SEM1: variants seen among roughly 807,000 people sequenced by gnomAD.
The protein encoded by SEM1 is 26S proteasome complex subunit SEM1.
A neutral mutation model predicts 12.7 loss-of-function variants in SEM1; 3 were observed. The ratio of observed to expected loss-of-function variants is 0.24; its 90% confidence interval spans 0.11 to 0.61. The LOEUF (loss-of-function observed/expected upper bound fraction) is 0.61. Among genes scored for constraint, SEM1 ranks in the 20% least tolerant of loss-of-function variants. The pLI is 0.88. For synonymous variants in SEM1, 30 were observed against 27.8 expected, an observed-to-expected ratio of 1.08 and a Z score of -0.25; for missense variants, 59 against 81.3, an observed-to-expected ratio of 0.73 and a Z score of 1.06.
chr7:96,520,662 A>G (rs146414789), intron 2 of SEM1, among the ~76,000 whole-genome samples: 4 of 152,200 alleles, frequency 2.6e-5, no homozygotes, highest in Non-Finnish European at 5.9e-5. Flanking sequence ...GCACCGTGGT[A>G]TAGGTTAAGA....
chr7:96,577,607 G>C (rs1293406822), intron 2 of SEM1, among the ~76,000 whole-genome samples: 2 of 151,832 alleles, frequency 1.3e-5, no homozygotes, highest in Non-Finnish European at 2.9e-5. Context: ...ATGGATTTGG[G>C]GATGGATTTC....
intron 2 of SEM1, among the ~76,000 whole-genome samples, chr7:96,485,043 G>A (rs1192784526): frequency 1.3e-5 from 2 of 152,148 alleles, no homozygotes; most frequent in African/African-American, 4.8e-5. Flanking sequence ...TCAGGCCTGT[G>A]CACTATGCCA....
downstream of SEM1, chr7:96,688,398 AT>A (rs1206166637): frequency 1.0e-4 from 16 of 152,432 alleles, no homozygotes; most frequent in African/African-American, 3.8e-4. Flanking sequence ...AACTAAGTAA[AT>A]TACAGCAATT....
At chr7:96,614,852 A>T (rs1008028177) in intron 2 of SEM1, among the ~76,000 whole-genome samples, 1 of 151,924 alleles carries the variant, frequency 6.6e-6, no homozygotes, top group Non-Finnish European at 1.5e-5. Flanking sequence ...GTGCACACAC[A>T]CATACACACA....
At chr7:96,537,316 A>G (rs1201341655) in intron 2 of SEM1, among the ~76,000 whole-genome samples, 1 of 151,696 alleles carries the variant, frequency 6.6e-6, no homozygotes, top group Non-Finnish European at 1.5e-5. Flanking sequence ...TCAATTACAA[A>G]TAAGAGAAGT....
chr7:96,708,467 G>GCT, intron 1 of SEM1, among the ~76,000 whole-genome samples: 1 of 152,220 alleles, frequency 6.6e-6, no homozygotes, highest in African/African-American at 2.4e-5. Flanking sequence ...GACAATTTTA[G>GCT]TGAAGTAGTA....
intron 1 of SEM1, among the ~76,000 whole-genome samples, chr7:96,495,094 G>A (rs1291846654): frequency 1.4e-5 from 2 of 146,056 alleles, no homozygotes; most frequent in Middle Eastern, 3.7e-3. Context: ...GAGGGTGGGA[G>A]AATAGCATTG....
chr7:96,595,652 G>A (rs977206475), intron 2 of SEM1, among the ~76,000 whole-genome samples: 10 of 151,804 alleles, frequency 6.6e-5, no homozygotes, highest in East Asian at 1.9e-4. Context: ...TTTGTTTTTC[G>A]ATTTTTAGAT....
At chr7:96,490,341 G>A (rs898585171) in intron 1 of SEM1, among the ~76,000 whole-genome samples, 1 of 152,130 alleles carries the variant, frequency 6.6e-6, no homozygotes, top group African/African-American at 2.4e-5. Flanking sequence ...TTTGTAGAAA[G>A]ACTTGTATTC....
chr7:96,579,811 T>C (rs1806326027), intron 2 of SEM1, among the ~76,000 whole-genome samples: 1 of 152,146 alleles, frequency 6.6e-6, no homozygotes. Flanking sequence ...GATTTTGATA[T>C]TGAGCTATAG....
chr7:96,616,251 TG>T (rs1807717154), intron 2 of SEM1, among the ~76,000 whole-genome samples: 1 of 152,158 alleles, frequency 6.6e-6, no homozygotes, highest in Non-Finnish European at 1.5e-5. Flanking sequence ...TGGTGTTTGA[TG>T]GTATCTCATT....
chr7:96,571,389 A>G (rs1806023282), intron 2 of SEM1, among the ~76,000 whole-genome samples: 1 of 151,966 alleles, frequency 6.6e-6, no homozygotes, highest in Non-Finnish European at 1.5e-5. Context: ...TATAATGTGT[A>G]TGGAAGGGTT....
At chr7:96,564,101 T>C (rs1805773732) in intron 2 of SEM1, among the ~76,000 whole-genome samples, 1 of 152,136 alleles carries the variant, frequency 6.6e-6, no homozygotes, top group Non-Finnish European at 1.5e-5. Flanking sequence ...TGTCTTTTCT[T>C]GAACATAGGA....
chr7:96,541,595 T>C (rs985571680), intron 2 of SEM1, among the ~76,000 whole-genome samples: 2 of 151,756 alleles, frequency 1.3e-5, no homozygotes, highest in Admixed American at 6.6e-5. Flanking sequence ...AGAAGCTCTT[T>C]AGTTTAATTA....
At chr7:96,600,669 A>G (rs1807172271) in intron 2 of SEM1, among the ~76,000 whole-genome samples, 1 of 152,152 alleles carries the variant, frequency 6.6e-6, no homozygotes, top group Admixed American at 6.6e-5. Context: ...AATGTAAAAC[A>G]TGATTTAAAG....
At chr7:96,536,494 C>T (rs1372910834) in intron 2 of SEM1, among the ~76,000 whole-genome samples, 1 of 151,742 alleles carries the variant, frequency 6.6e-6, no homozygotes, top group East Asian at 1.9e-4. Context: ...TTTGACCTGT[C>T]AATTACTAAC....
chr7:96,552,940 G>A (rs1245276788), intron 2 of SEM1, among the ~76,000 whole-genome samples: 1 of 150,490 alleles, frequency 6.6e-6, no homozygotes, highest in Non-Finnish European at 1.5e-5. Flanking sequence ...TTTCTCTGAT[G>A]GCCAGTGATG....
At position 96,584,201 on chromosome 7, in the gene SEM1, GTA is replaced by G. The variant is rs1448503642; in HGVS notation, c.171-77505_171-77504del. Among the ~76,000 whole-genome samples, 7 of 152,208 alleles carry G rather than the reference GTA, an allele frequency of 4.6e-5. No homozygotes were observed. The East Asian group carries it at 1.2e-3, about 25-fold the overall frequency. On this transcript the variant is annotated intron_variant and NMD_transcript_variant, in intron 2 of 3. Transcript: ENST00000466986. ...CTGTCAGCATTTGCTTGTCTGTAAAGTATTTTATTTCTCCTTCATTTATGAAG... is the reference window on the plus strand; with the variant it reads ...CTGTCAGCATTTGCTTGTCTGTAAAGTTTTATTTCTCCTTCATTTATGAAG...
intron 2 of SEM1, among the ~76,000 whole-genome samples, chr7:96,568,193 T>C (rs1805908778): frequency 6.6e-6 from 1 of 151,578 alleles, no homozygotes; most frequent in South Asian, 2.1e-4. Flanking sequence ...TTTCTATCCC[T>C]TTTGAAGTCA....
Sources: gnomAD v4.1 joint callset for allele counts (sites outside exome capture counted in the v4.1 genomes callset) on GRCh38, gnomAD v4.1.1 for gene constraint, MANE v1.5 for transcripts, NCBI Gene and HGNC (gene_info 2026-07-23, HGNC 2026-07-21) for gene names.